The following KIF21B variants were observed in gnomAD, a reference collection of about 807,000 sequenced individuals.
KIF21B encodes the protein kinesin-like protein KIF21B.
KIF21B carries 85 observed loss-of-function variants against 192.9 expected under a neutral mutation model. The observed-to-expected ratio is 0.44, with a 90% CI of 0.37 to 0.53. KIF21B has a LOEUF of 0.53. Among genes scored for constraint, KIF21B ranks in the 20% least tolerant of loss-of-function variants. The pLI, the probability that KIF21B is intolerant of heterozygous loss-of-function variation, is 0.00. For synonymous variants in KIF21B, 832 were observed against 884.6 expected, an observed-to-expected ratio of 0.94 and a Z score of 1.05; for missense variants, 1,716 against 2,194.8, an observed-to-expected ratio of 0.78 and a Z score of 4.36.
In KIF21B at chr1:200,974,740, A is replaced by G; in HGVS notation, c.4788T>C (p.Asn1596=). The change falls in exon 34 of 35, where the codon AAT becomes AAC. Residue 1596 remains asparagine (N), a synonymous_variant. Coordinates refer to ENST00000461742, the MANE Select transcript of KIF21B (RefSeq NM_001252102.2). The stretch of plus-strand genomic sequence containing the variant: ...TGGAGGCTGTGAAGATATGCTTGGC[A>G]TTGGTGCAGATGGCATTGATGGGAC... ...HDSPINAICT[N]AKHIFTASSD... 3 of 1,614,200 alleles carry G rather than the reference A, an allele frequency of 1.9e-6. No individual in the cohort carries two copies. The highest frequency in any genetic ancestry group is 1.7e-6 in the Non-Finnish European group (2 of 1,180,012).
At position 201,017,049 on chromosome 1, in the gene KIF21B, T is replaced by A. The variant is rs528816595; in HGVS notation, c.41+6294A>T. On this transcript the variant is annotated intron_variant, in intron 1 of 34. Transcript: ENST00000461742. This position sits in a 1 kb window ranked among gnomAD's most constrained non-coding sequence, Gnocchi z 4.1. The stretch of plus-strand genomic sequence containing the variant: ...TCTGACCCCACCCCCTCCTCTTGAG[T>A]GTCCTTGACCTTACTAGGGTCTTGG... Among the ~76,000 whole-genome samples the A allele has an allele frequency of 6.6e-6, 1 of 151,786 alleles. No individual in the cohort carries two copies. The highest frequency in any genetic ancestry group is 1.9e-4 in the East Asian group (1 of 5,156).
At chr1:200,987,293 A>C in intron 24 of KIF21B, 92 bp from the exon 25 acceptor site, 1 of 1,142,412 alleles carries the variant, frequency 8.8e-7, no homozygotes, top group Non-Finnish European at 1.2e-6. Flanking sequence ...TTTTTTTGAG[A>C]CAGTGGTGCA....
At chr1:200,984,264 C>T (rs139278157) in intron 27 of KIF21B, among the ~76,000 whole-genome samples, 26 of 152,332 alleles carry the variant, frequency 1.7e-4, no homozygotes, top group African/African-American at 6.0e-4. Context: ...AGACAATTCT[C>T]GTGGTTGTTT....
In KIF21B at chr1:200,971,172, G is replaced by C. The variant is rs1223375349; in HGVS notation, c.*2349C>G. The C allele has an allele frequency of 5.2e-5, 8 of 152,834 alleles. No homozygotes were observed. The allele number at this position is 152,834 out of a possible 1,614,324, so 9.5% of individuals were successfully genotyped here. ...ATGGACCTTGGACATCCCTGAAAGAGTGGGCAGAGAATCCAACTCTCATGA... is the reference window on the plus strand; with the variant it reads ...ATGGACCTTGGACATCCCTGAAAGACTGGGCAGAGAATCCAACTCTCATGA... On this transcript the variant is annotated 3_prime_UTR_variant, in exon 35 of 35. Coordinates refer to ENST00000461742, the MANE Select transcript of KIF21B (RefSeq NM_001252102.2).
intron 17 of KIF21B, 53 bp downstream of exon 17, chr1:200,991,604 C>T (rs12403728): frequency 0.022 from 33,728 of 1,537,842 alleles, 1,884 homozygotes; most frequent in African/African-American, 0.16. Flanking sequence ...CACACATGCA[C>T]GCACACATGT....
At position 200,999,358 on chromosome 1, in the gene KIF21B, C is replaced by A; in HGVS notation, c.1876G>T (p.Glu626Ter). ...GCTCAGGCCCACGCACCCTTCTCCT[C>A]GGGGTCTGAGTCTGAGTCCACCAGG... The part of the protein sequence containing the change: ...ESLVDSDSDP[E>*]EKEVNFQADL... The change falls in exon 13 of 35, where the codon GAG becomes TAG. Residue 626 changes from glutamate (E) to a stop codon, truncating the protein, a stop_gained. Transcript: ENST00000461742. LOFTEE classifies it high-confidence loss of function. This position sits in a 1 kb window ranked among gnomAD's most constrained non-coding sequence, Gnocchi z 4.7. 6.2e-7 allele frequency: 1 copy of A among 1,614,134 alleles called. No homozygotes were observed. Among genetic ancestry groups the A allele is most frequent in the Non-Finnish European group, 8.5e-7 (1 of 1,180,014 alleles).
chr1:200,988,934 G>A lies in KIF21B; in HGVS notation c.3133-3C>T, dbSNP rs1226291541. On this transcript the variant is annotated splice_polypyrimidine_tract_variant and splice_region_variant and intron_variant, in intron 21 of 34. Transcript: ENST00000461742. ...TCCTTTTGTGCCACTTGCAGCCCCTGGGGGCAGGGAACAAAGCCTGGAGTT... is the reference window on the plus strand; with the variant it reads ...TCCTTTTGTGCCACTTGCAGCCCCTAGGGGCAGGGAACAAAGCCTGGAGTT... 1.9e-6 allele frequency: 3 copies of A among 1,607,420 alleles called. No homozygotes were observed. The highest frequency in any genetic ancestry group is 3.9e-4 in the Middle Eastern group (2 of 5,086).
chr1:200,996,845 A>G (rs1657101551), intron 14 of KIF21B, among the ~76,000 whole-genome samples: 1 of 152,164 alleles, frequency 6.6e-6, no homozygotes, highest in Admixed American at 6.5e-5. Flanking sequence ...AACTACCAAC[A>G]GACATCTCCA....
Position 200,998,475 on chromosome 1 carries a change from C to G in KIF21B, c.1986G>C (p.Thr662=), listed in dbSNP as rs746573596. The part of the protein sequence containing the change: ...ELENSQRRLQ[T]LKHQYEEKLI... ...GCTTTTCCTCATACTGGTGCTTGAG[C>G]GTCTGCAACCGCCGCTGGCTGTTCT... The change falls in exon 14 of 35, where the codon ACG becomes ACC. Residue 662 remains threonine, a synonymous_variant. Transcript: ENST00000461742. The surrounding 1 kb of genome is among the most constrained non-coding windows in gnomAD (Gnocchi z 4.3). 6.2e-7 allele frequency: 1 copy of G among 1,614,036 alleles called. No individual in the cohort carries two copies. Among genetic ancestry groups the G allele is most frequent in the Admixed American group, 1.7e-5 (1 of 60,018 alleles).
In KIF21B at chr1:200,990,445, C is replaced by T; in HGVS notation, c.2836-113G>A. On this transcript the variant is annotated intron_variant, in intron 19 of 34. Transcript: ENST00000461742. The surrounding 1 kb of genome is among the most constrained non-coding windows in gnomAD (Gnocchi z 5.4). ...GGCCTGTGAGGTCCCCCCAGCACCT[C>T]TGGATTCCAGAGCAGGCAAAAGGAG... is the stretch of plus-strand genomic sequence containing the variant. 6.7e-7 allele frequency: 1 copy of T among 1,483,192 alleles called. No individual in the cohort carries two copies. The highest frequency in any genetic ancestry group is 9.2e-7 in the Non-Finnish European group (1 of 1,091,846). The allele number at this position is 1,483,192 out of a possible 1,614,324, so 91.9% of individuals were successfully genotyped here.
At position 200,977,245 on chromosome 1, in the gene KIF21B, G is replaced by A. The variant is rs752932959; in HGVS notation, c.4292C>T (p.Ser1431Leu). 7 of 1,613,598 alleles carry A rather than the reference G, an allele frequency of 4.3e-6. No individual in the cohort carries two copies. Among genetic ancestry groups the A allele is most frequent in the East Asian group, 2.2e-5 (1 of 44,878 alleles). Reference sequence around the variant, plus strand: ...CTCCCAGATGCGGACGGCATTGCCCGAGGCGGCGTACAGCATGGTGCCCGA... The same window carrying A: ...CTCCCAGATGCGGACGGCATTGCCCAAGGCGGCGTACAGCATGGTGCCCGA... ...SPSGTMLYAA[S>L]GNAVRIWELS... The change falls in exon 31 of 35, where the codon TCG (serine) becomes TTG (leucine). Residue 1431 changes from serine (S) to leucine (L), a missense_variant. This residue lies in a region of KIF21B where 580 missense variants were observed against 775.5 expected (regional missense o/e 0.75). Transcript: ENST00000461742.
Position 200,975,816 on chromosome 1 carries a change from C to G in KIF21B, c.4444-147G>C. On this transcript the variant is annotated intron_variant, in intron 32 of 34. Coordinates refer to ENST00000461742, the MANE Select transcript of KIF21B (RefSeq NM_001252102.2). The surrounding 1 kb of genome is among the most constrained non-coding windows in gnomAD (Gnocchi z 4.3). ...CTGGGGAGAGGAGCTTCCCAGCAGG[C>G]GAGGGTTCCTGGAGGTGGGGCTGCT... The G allele has an allele frequency of 2.6e-6, 2 of 759,194 alleles. No homozygotes were observed. Among genetic ancestry groups the G allele is most frequent in the South Asian group, 2.0e-5 (1 of 49,988 alleles). 47.0% of individuals were successfully genotyped at this position (759,194 alleles called of 1,614,324 possible).
At position 200,979,648 on chromosome 1, in the gene KIF21B, G is replaced by A. The variant is rs377081688; in HGVS notation, c.4047C>T (p.Asn1349=). ...TGCAGTACTTGATGGAGACCACGTT[G>A]TTGGGGTGGCCCTTTAGAGCTGCGA... ...QEIAALKGHP[N]NVVSIKYCSH... is the part of the protein sequence containing the mutation. The change falls in exon 30 of 35, where the codon AAC becomes AAT. Residue 1349 remains asparagine (N), a synonymous_variant. Coordinates refer to ENST00000461742, the MANE Select transcript of KIF21B (RefSeq NM_001252102.2). The A allele has an allele frequency of 2.7e-5, 43 of 1,587,638 alleles. No homozygotes were observed. Among genetic ancestry groups the A allele is most frequent in the Non-Finnish European group, 2.6e-6 (3 of 1,167,432 alleles).
chr1:201,012,575 T>C (rs1350664298), intron 1 of KIF21B, among the ~76,000 whole-genome samples: 1 of 152,226 alleles, frequency 6.6e-6, no homozygotes, highest in Non-Finnish European at 1.5e-5. Context: ...TATCAACTCC[T>C]GATCTGGCTG....
chr1:201,006,084 C>T (rs796687772), intron 3 of KIF21B, among the ~76,000 whole-genome samples: 22 of 152,370 alleles, frequency 1.4e-4, no homozygotes, highest in African/African-American at 4.8e-4. Context: ...CCAGATGAGG[C>T]AGGGCAGAGA....
intron 3 of KIF21B, among the ~76,000 whole-genome samples, chr1:201,006,496 C>A (rs1312444152): frequency 6.6e-6 from 1 of 152,112 alleles, no homozygotes; most frequent in Non-Finnish European, 1.5e-5. Context: ...AGCCCTCTGA[C>A]ATCTGGGGCT....
At chr1:200,974,201 G>A (rs751794045) in intron 34 of KIF21B, 35 of 1,544,438 alleles carry the variant, frequency 2.3e-5, no homozygotes, top group Non-Finnish European at 3.0e-5. Context: ...GTCACTGTGT[G>A]GGGAGAGAGG....
chr1:201,008,367 G>A lies in KIF21B; in HGVS notation c.447+402C>T, dbSNP rs190110335. ...GGGCAGGATAGGATGCCCTGAGGCT[G>A]AGGGGGAACCCAGAGAAGGCCAGAA... is the stretch of plus-strand genomic sequence containing the variant. On this transcript the variant is annotated intron_variant, in intron 3 of 34. Transcript: ENST00000461742. Among the ~76,000 whole-genome samples the A allele has an allele frequency of 1.9e-4, 29 of 152,306 alleles. No individual in the cohort carries two copies. In the East Asian group the frequency reaches 3.9e-3, roughly 20 times the overall value.
At chr1:200,985,782 T>TC (rs1296303398) in intron 26 of KIF21B, among the ~76,000 whole-genome samples, 2 of 45,114 alleles carry the variant, frequency 4.4e-5, no homozygotes, top group Non-Finnish European at 7.4e-5. Context: ...CCCCTCCCCT[T>TC]CCCCCTCCCC....
Sources: gnomAD v4.1 joint callset for allele counts (sites outside exome capture counted in the v4.1 genomes callset) on GRCh38, gnomAD v4.1.1 for gene constraint, gnomAD v4.1.1 regional missense constraint, Gnocchi (gnomAD v3.1) non-coding constraint, MANE v1.5 for transcripts, NCBI Gene and HGNC (gene_info 2026-07-23, HGNC 2026-07-21) for gene names.